The following MROH1 variants were observed in gnomAD, a reference collection of about 807,000 sequenced individuals.
The protein encoded by MROH1 is maestro heat-like repeat-containing protein family member 1.
In MROH1, 117 loss-of-function variants were observed where a neutral mutation model predicts 116.5. That is an observed-to-expected ratio of 1.00 (90% confidence interval 0.86 to 1.17). The LOEUF (loss-of-function observed/expected upper bound fraction) is 1.17. Among genes scored for constraint, MROH1 ranks in the 50% most tolerant of loss-of-function variants. The pLI is 0.00. For synonymous variants in MROH1, 921 were observed against 583.9 expected (o/e 1.58, Z -8.32); for missense variants, 1,873 against 1,338.5 (o/e 1.40, Z -6.23).
At chr8:144,220,856 C>T (rs1291762987) in intron 13 of MROH1, among the ~76,000 whole-genome samples, 183 bp downstream of exon 13, 1 of 151,592 alleles carries the variant, frequency 6.6e-6, no homozygotes, top group Non-Finnish European at 1.5e-5. Flanking sequence ...CCACATCTCA[C>T]TCAGGAAACA....
At chr8:144,155,679 AC>A (rs1817871761) in intron 1 of MROH1, among the ~76,000 whole-genome samples, 2 of 132,024 alleles carry the variant, frequency 1.5e-5, no homozygotes, top group Admixed American at 1.8e-4. Context: ...TTGCTTTGTC[AC>A]CCAGGCCAGA....
chr8:144,215,795 C>A (rs533088609), intron 12 of MROH1, among the ~76,000 whole-genome samples: 1 of 150,302 alleles, frequency 6.7e-6, no homozygotes, highest in African/African-American at 2.5e-5. Context: ...ATGGCGTGAA[C>A]CTGGGTGGCA....
At chr8:144,230,092 C>T (rs1017352067) in intron 14 of MROH1, among the ~76,000 whole-genome samples, 1 of 152,120 alleles carries the variant, frequency 6.6e-6, no homozygotes, top group African/African-American at 2.4e-5. Context: ...CAACTTGTTG[C>T]GGTTTCTCCA....
At chr8:144,245,957 G>A (rs1424367811) in intron 29 of MROH1, among the ~76,000 whole-genome samples, 5 of 151,940 alleles carry the variant, frequency 3.3e-5, no homozygotes, top group Non-Finnish European at 7.4e-5. Context: ...GTTACAGATG[G>A]GAGCCACTGC....
chr8:144,187,844 C>T (rs1198476605), intron 7 of MROH1, among the ~76,000 whole-genome samples: 2 of 152,146 alleles, frequency 1.3e-5, no homozygotes, highest in Non-Finnish European at 2.9e-5. Flanking sequence ...AGGGTTGCTG[C>T]AGGGTCTGTG....
At chr8:144,260,626 G>A (rs1844858721) in intron 39 of MROH1, 51 bp from the exon 40 acceptor site, 1 of 771,676 alleles carries the variant, frequency 1.3e-6, no homozygotes, top group African/African-American at 1.7e-5. Flanking sequence ...AGGCAGGCAG[G>A]CCTGCAGGGG....
chr8:144,215,927 C>T (rs1835153675), intron 12 of MROH1, among the ~76,000 whole-genome samples: 1 of 151,544 alleles, frequency 6.6e-6, no homozygotes, highest in Non-Finnish European at 1.5e-5. Flanking sequence ...TGGCTCACGC[C>T]TGTAATCCCA....
rs1840471287 is a variant in MROH1, at chr8:144,238,761, G to A, written c.1344G>A (p.Glu448=). The change falls in exon 15 of 44, where the codon GAG becomes GAA. Residue 448 remains glutamate (E), a synonymous_variant. Coordinates refer to ENST00000326134, the MANE Select transcript of MROH1 (RefSeq NM_032450.3). ...QCALPPEQEP[E]KPGPGSKDPK... ...TGCCTTTTGCCTTCCTCCAGCCTGA[G>A]AAGCCAGGCCCCGGCAGCAAGGACC... is the stretch of plus-strand genomic sequence containing the variant. The A allele has an allele frequency of 2.6e-6, 2 of 772,246 alleles. No homozygotes were observed. The highest frequency in any genetic ancestry group is 2.7e-5 in the South Asian group (2 of 74,542). The allele number at this position is 772,246 out of a possible 1,614,324, so 47.8% of individuals were successfully genotyped here.
intron 3 of MROH1, among the ~76,000 whole-genome samples, chr8:144,165,868 C>T (rs771226920): frequency 2.6e-5 from 4 of 151,652 alleles, no homozygotes; most frequent in South Asian, 2.1e-4. Context: ...CCACTGTGCC[C>T]GGCCATCAGG....
chr8:144,199,482 C>T (rs1187422197), intron 11 of MROH1, among the ~76,000 whole-genome samples: 2 of 152,116 alleles, frequency 1.3e-5, no homozygotes, highest in Non-Finnish European at 2.9e-5. Context: ...TCCCTACCTG[C>T]CCCCCGCCTA....
At chr8:144,244,076 T>C in intron 26 of MROH1, 134 bp downstream of exon 26, 1 of 705,122 alleles carries the variant, frequency 1.4e-6, no homozygotes, top group Non-Finnish European at 2.6e-6. Flanking sequence ...ACGCCTTGTG[T>C]GTGCGCATGC....
chr8:144,254,066 C>T (rs1027944266), intron 33 of MROH1, among the ~76,000 whole-genome samples: 2 of 152,172 alleles, frequency 1.3e-5, no homozygotes, highest in Non-Finnish European at 2.9e-5. Context: ...CTGGGACATC[C>T]ATCAAATGTA....
intron 22 of MROH1, 62 bp downstream of exon 22, chr8:144,241,579 G>A: frequency 1.3e-6 from 1 of 774,604 alleles, no homozygotes; most frequent in South Asian, 1.4e-5. Context: ...GAGGCTCAGG[G>A]GGTGCCCTGC....
Position 144,163,852 on chromosome 8 carries a change from A to T in MROH1, c.22+4A>T. 1 of 1,613,400 alleles carries T rather than the reference A, an allele frequency of 6.2e-7. No homozygotes were observed. On this transcript the variant is annotated splice_donor_region_variant and intron_variant, in intron 3 of 43. Coordinates refer to ENST00000326134, the MANE Select transcript of MROH1 (RefSeq NM_032450.3). The surrounding 1 kb of genome is among the most constrained non-coding windows in gnomAD (Gnocchi z 4.4). ...ATGACTGAGTCCTCCATGAAGAGTG[A>T]GTGCATGGGGATTGGGAGTGGCCGG...
chr8:144,215,333 TG>T (rs1235291477), intron 12 of MROH1, among the ~76,000 whole-genome samples: 1 of 152,152 alleles, frequency 6.6e-6, no homozygotes, highest in Non-Finnish European at 1.5e-5. Flanking sequence ...CTATAGGAAA[TG>T]TACAGAAACA....
chr8:144,179,476 G>C lies in MROH1; in HGVS notation c.190G>C (p.Ala64Pro). Residue 64 changes from alanine to proline, a missense_variant, in exon 5 of 44, where the codon GCG becomes CCG. Coordinates refer to ENST00000326134, the MANE Select transcript of MROH1 (RefSeq NM_032450.3). ...GCAGCTGGCACACCCATACCGAGCA[G>C]CGGTCCTGAGGGCCATGGAGAGGGT... ...HDKLAHPYRA[A>P]VLRAMERVLS... 1.2e-6 allele frequency: 2 copies of C among 1,613,538 alleles called. No individual in the cohort carries two copies. The highest frequency in any genetic ancestry group is 2.2e-5 in the East Asian group (1 of 44,876).
At chr8:144,259,863 G>A (rs1554834700) in intron 37 of MROH1, 48 bp from the exon 38 acceptor site, 2 of 717,968 alleles carry the variant, frequency 2.8e-6, no homozygotes, top group Admixed American at 4.0e-5. Context: ...GGTGGGTTGA[G>A]CCCTGGGGTC....
chr8:144,168,060 G>A (rs1821387893), intron 3 of MROH1, among the ~76,000 whole-genome samples: 1 of 152,154 alleles, frequency 6.6e-6, no homozygotes, highest in African/African-American at 2.4e-5. Flanking sequence ...AGCTCCTCAG[G>A]GGCAGCTGGA....
chr8:144,251,852 G>C (rs1040442283), intron 33 of MROH1: 20 of 163,280 alleles, frequency 1.2e-4, no homozygotes, highest in South Asian at 6.6e-4. Context: ...CCACCTGACC[G>C]CCACCACTAG....
Sources: allele counts gnomAD v4.1 joint callset (sites outside exome capture counted in the v4.1 genomes callset), GRCh38; gene constraint gnomAD v4.1.1; non-coding constraint Gnocchi (gnomAD v3.1); transcripts MANE v1.5; gene names NCBI Gene and HGNC (gene_info 2026-07-23, HGNC 2026-07-21).